NBAS: variants seen among roughly 807,000 people sequenced by gnomAD.
The protein encoded by NBAS is NAG/BC035112 fusion.
NBAS carries 219 observed loss-of-function variants against 302.5 expected under a neutral mutation model. The ratio of observed to expected loss-of-function variants is 0.72; its 90% confidence interval spans 0.65 to 0.81. The LOEUF is 0.81. Ranked by LOEUF, NBAS falls within the 30% of genes least tolerant of loss-of-function variation. The probability of loss-of-function intolerance (pLI) is 0.00; values close to 1 mark genes in which losing one functional copy is unlikely to be tolerated. For missense variants in NBAS, 2,932 were observed against 2,841.6 expected (o/e 1.03, Z -0.72); for synonymous variants, 1,118 against 1,021.6 (o/e 1.09, Z -1.80).
intron 40 of NBAS, among the ~76,000 whole-genome samples, chr2:15,294,960 G>T (rs77930756): frequency 6.6e-6 from 1 of 152,126 alleles, no homozygotes; most frequent in Non-Finnish European, 1.5e-5. Flanking sequence ...CTATCTCTGC[G>T]TATAACTCCA....
At chr2:15,250,985 GCTA>G (rs1419077922) in intron 44 of NBAS, among the ~76,000 whole-genome samples, 1 of 152,080 alleles carries the variant, frequency 6.6e-6, no homozygotes, top group Non-Finnish European at 1.5e-5. Flanking sequence ...TATAAATCAT[GCTA>G]CTATAAAGAC....
At chr2:15,127,064 G>A in the NBAS span, among the ~76,000 whole-genome samples, 1 of 152,168 alleles carries the variant, frequency 6.6e-6, no homozygotes, top group Admixed American at 6.5e-5. Context: ...CAGCCTCACA[G>A]ATATGTGGCC....
At chr2:15,455,395 A>G (rs12692268) in intron 21 of NBAS, among the ~76,000 whole-genome samples, 94,802 of 151,848 alleles carry the variant, frequency 0.62, 30,358 homozygotes, top group Middle Eastern at 0.68. Flanking sequence ...TTCTAATTTC[A>G]ACAAATATGC....
chr2:14,873,059 G>A, the NBAS span, among the ~76,000 whole-genome samples: 7 of 152,294 alleles, frequency 4.6e-5, no homozygotes, highest in South Asian at 2.1e-4. Flanking sequence ...GGTGGCCGAG[G>A]CTAGCTCGGG....
intron 44 of NBAS, among the ~76,000 whole-genome samples, chr2:15,266,820 G>A (rs1156643152): frequency 6.6e-6 from 1 of 151,986 alleles, no homozygotes; most frequent in Non-Finnish European, 1.5e-5. Context: ...TATGCACTGA[G>A]AATTCCCAAA....
At chr2:15,528,437 A>G (rs1261596344) in intron 9 of NBAS, among the ~76,000 whole-genome samples, 1 of 147,662 alleles carries the variant, frequency 6.8e-6, no homozygotes, top group African/African-American at 2.5e-5. Flanking sequence ...TATAATATAT[A>G]TTTTTAATAT....
At chr2:15,086,648 G>A in the NBAS span, among the ~76,000 whole-genome samples, 1 of 152,130 alleles carries the variant, frequency 6.6e-6, no homozygotes, top group Non-Finnish European at 1.5e-5. Flanking sequence ...ACATTCCCCA[G>A]TGCCAGCTGA....
chr2:15,023,203 A>G, the NBAS span, among the ~76,000 whole-genome samples: 1 of 152,200 alleles, frequency 6.6e-6, no homozygotes, highest in Admixed American at 6.5e-5. Flanking sequence ...TTCTCATTCA[A>G]TAATAATTAG....
intron 40 of NBAS, among the ~76,000 whole-genome samples, chr2:15,300,650 A>G (rs1315599189): frequency 6.6e-6 from 1 of 152,210 alleles, no homozygotes; most frequent in Non-Finnish European, 1.5e-5. Context: ...CTGAACAACT[A>G]CAGTGGGCTA....
chr2:14,995,231 C>A, the NBAS span, among the ~76,000 whole-genome samples: 5 of 152,156 alleles, frequency 3.3e-5, no homozygotes, highest in East Asian at 9.7e-4. Context: ...CCACAACAGG[C>A]CCCAGTGTGT....
chr2:15,017,775 G>C, the NBAS span, among the ~76,000 whole-genome samples: 1 of 152,036 alleles, frequency 6.6e-6, no homozygotes, highest in South Asian at 2.1e-4. Context: ...ACTACCATAT[G>C]ATCCTGTAGT....
chr2:14,976,361 T>A, the NBAS span, among the ~76,000 whole-genome samples: 229 of 152,274 alleles, frequency 1.5e-3, 1 homozygote, highest in South Asian at 4.6e-3. Context: ...CAAATCTGCA[T>A]AAGGGATTTC....
chr2:14,787,378 T>C, the NBAS span, among the ~76,000 whole-genome samples: 1 of 152,180 alleles, frequency 6.6e-6, no homozygotes, highest in Admixed American at 6.5e-5. Context: ...TGTTAGCTGC[T>C]TATTTTGCTC....
At chr2:14,947,164 G>T in the NBAS span, among the ~76,000 whole-genome samples, 3 of 151,972 alleles carry the variant, frequency 2.0e-5, no homozygotes, top group South Asian at 6.2e-4. Flanking sequence ...CAAATACAAA[G>T]ATCGGAGCAG....
the NBAS span, among the ~76,000 whole-genome samples, chr2:14,950,260 A>G: frequency 2.0e-5 from 3 of 152,182 alleles, no homozygotes; most frequent in Admixed American, 2.0e-4. Context: ...GAGAACACAC[A>G]ATGTTTGGTT....
At chr2:15,467,605 C>A (rs989280865) in intron 18 of NBAS, 59 bp downstream of exon 18, 3 of 1,508,088 alleles carry the variant, frequency 2.0e-6, no homozygotes, top group Non-Finnish European at 2.8e-6. Flanking sequence ...GTAAGGAACA[C>A]ACTGAAATGA....
At chr2:14,936,175 C>G in the NBAS span, among the ~76,000 whole-genome samples, 1 of 152,170 alleles carries the variant, frequency 6.6e-6, no homozygotes, top group Admixed American at 6.5e-5. Flanking sequence ...ATCACCAAAA[C>G]AAACACTGCA....
the NBAS span, among the ~76,000 whole-genome samples, chr2:14,809,539 C>G: frequency 6.6e-6 from 1 of 152,216 alleles, no homozygotes; most frequent in South Asian, 2.1e-4. Flanking sequence ...GCAACCTCCC[C>G]CTAGATTTCA....
At chr2:15,179,361 T>C in intron 50 of NBAS, 1 of 512,418 alleles carries the variant, frequency 2.0e-6, no homozygotes, top group Non-Finnish European at 3.6e-6. Context: ...TTTAATGGCT[T>C]TGTAATGCTC....
Sources: allele counts gnomAD v4.1 joint callset (sites outside exome capture counted in the v4.1 genomes callset), GRCh38; gene constraint gnomAD v4.1.1; transcripts MANE v1.5; gene names NCBI Gene and HGNC (gene_info 2026-07-23, HGNC 2026-07-21).